The following MCC variants were observed in gnomAD, a reference collection of about 807,000 sequenced individuals.
MCC encodes MCC regulator of Wnt signaling pathway, also known as colorectal mutant cancer protein.
Under a neutral mutation model 116.2 loss-of-function variants are expected in MCC, and 90 were observed. That is an observed-to-expected ratio of 0.77 (90% CI 0.65 to 0.92). The LOEUF (loss-of-function observed/expected upper bound fraction) is 0.92. Ranked by LOEUF, MCC falls within the 40% of genes least tolerant of loss-of-function variation. The pLI is 0.00. For synonymous variants in MCC, 578 were observed against 510.5 expected (o/e 1.13, Z -1.78); for missense variants, 1,516 against 1,312.2 (o/e 1.16, Z -2.40).
At chr5:113,327,432 G>A (rs75025055) in intron 3 of MCC, among the ~76,000 whole-genome samples, 4,269 of 150,668 alleles carry the variant, frequency 0.028, 110 homozygotes, top group East Asian at 0.11. Context: ...TGTAGTCCCA[G>A]CTACTCGGGA....
At chr5:113,418,297 G>T (rs983512221) in intron 1 of MCC, among the ~76,000 whole-genome samples, 2 of 150,802 alleles carry the variant, frequency 1.3e-5, no homozygotes, top group Non-Finnish European at 3.0e-5. Context: ...AAATAAAAAA[G>T]AAAGAAAAGA....
intron 11 of MCC, among the ~76,000 whole-genome samples, chr5:113,075,212 C>G (rs1021441875): frequency 2.6e-5 from 4 of 152,370 alleles, no homozygotes; most frequent in Middle Eastern, 3.4e-3. Flanking sequence ...CCGGGTACCA[C>G]AGCACTTCCG....
intron 1 of MCC, among the ~76,000 whole-genome samples, chr5:113,426,562 T>C (rs575056203): frequency 6.6e-6 from 1 of 152,328 alleles, no homozygotes; most frequent in East Asian, 1.9e-4. Flanking sequence ...GCCCGAAACA[T>C]GGTACCTGGC....
chr5:113,054,513 G>A lies in MCC; in HGVS notation c.2214-554C>T, dbSNP rs551848652. Among the ~76,000 whole-genome samples the A allele has an allele frequency of 2.6e-5, 4 of 152,368 alleles. No individual in the cohort carries two copies. The East Asian group carries it at 7.7e-4, about 29-fold the overall frequency. The stretch of plus-strand genomic sequence containing the variant: ...ATCCACAGATGCGTGTCACACCCTC[G>A]CACGTGTACGCAGGTGTCCCAGGCT... On this transcript the variant is annotated intron_variant, in intron 14 of 18. Coordinates refer to ENST00000408903, the MANE Select transcript of MCC (RefSeq NM_001085377.2).
chr5:113,291,932 C>T (rs968607117), intron 3 of MCC, among the ~76,000 whole-genome samples: 5 of 152,132 alleles, frequency 3.3e-5, no homozygotes, highest in Admixed American at 6.5e-5. Context: ...AAGGTATGAA[C>T]CACACACTCT....
intron 1 of MCC, among the ~76,000 whole-genome samples, chr5:113,425,989 G>A (rs1770472161): frequency 1.3e-5 from 2 of 152,110 alleles, no homozygotes; most frequent in Non-Finnish European, 2.9e-5. Flanking sequence ...AACCCAGGCA[G>A]AAGCTCAAAG....
At chr5:113,037,573 G>C (rs556556304) in intron 17 of MCC, among the ~76,000 whole-genome samples, 1 of 152,282 alleles carries the variant, frequency 6.6e-6, no homozygotes, top group East Asian at 1.9e-4. Flanking sequence ...TGCACCTGTA[G>C]TCCAAGCTAC....
Position 113,104,276 on chromosome 5 carries a change from G to T in MCC, c.1107C>A (p.Ser369Arg). Residue 369 changes from serine (S) to arginine (R), a missense_variant, in exon 7 of 19, where the codon AGC (serine) becomes AGA (arginine). Physicochemically the swap from Ser to Arg is moderately radical, Grantham distance 110. Transcript: ENST00000408903. ...CCTCGGCCACGGAGAGGCTGCAGCT[G>T]CTCTTCTTCCTGCCGCAGACAACAT... is the stretch of plus-strand genomic sequence containing the variant. ...LENVVCGRKK[S>R]SCSLSVAEVD... 6.2e-7 allele frequency: 1 copy of T among 1,614,044 alleles called. No homozygotes were observed. Among genetic ancestry groups the T allele is most frequent in the Non-Finnish European group, 8.5e-7 (1 of 1,180,024 alleles).
chr5:113,041,579 G>T (rs1291819225), intron 17 of MCC, among the ~76,000 whole-genome samples: 1 of 152,188 alleles, frequency 6.6e-6, no homozygotes, highest in Non-Finnish European at 1.5e-5. Flanking sequence ...CTAGAGGGCT[G>T]TTATTAGCCA....
intron 3 of MCC, among the ~76,000 whole-genome samples, chr5:113,339,436 T>TGC (rs950620018): frequency 7.8e-6 from 1 of 127,590 alleles, no homozygotes; most frequent in African/African-American, 3.0e-5. Flanking sequence ...TGTGTGTGTG[T>TGC]GTGCGTGCAT....
At chr5:113,339,408 AGTGTGTGTGT>A (rs60886614) in intron 3 of MCC, among the ~76,000 whole-genome samples, 6 of 123,668 alleles carry the variant, frequency 4.9e-5, no homozygotes, top group African/African-American at 1.6e-4. Context: ...AGGCTTCCTT[AGTGTGTGTGT>A]GTGTGTGTGT....
intron 1 of MCC, among the ~76,000 whole-genome samples, chr5:113,463,293 G>A (rs1203045134): frequency 6.6e-6 from 1 of 152,148 alleles, no homozygotes; most frequent in Non-Finnish European, 1.5e-5. Context: ...GAGCAGATTA[G>A]CACTTCAAAA....
intron 11 of MCC, among the ~76,000 whole-genome samples, chr5:113,073,748 T>G (rs1013125998): frequency 1.3e-5 from 2 of 151,898 alleles, no homozygotes; most frequent in East Asian, 1.9e-4. Flanking sequence ...TAACCTTCTC[T>G]GGGGTCCCAC....
At chr5:113,346,321 G>A (rs992879356) in intron 2 of MCC, among the ~76,000 whole-genome samples, 1 of 152,156 alleles carries the variant, frequency 6.6e-6, no homozygotes, top group Admixed American at 6.5e-5. Context: ...AAGGAGGTGG[G>A]GCACAGTGGC....
At chr5:113,085,743 A>G (rs1168087952) in intron 8 of MCC, among the ~76,000 whole-genome samples, 1 of 152,038 alleles carries the variant, frequency 6.6e-6, no homozygotes, top group Non-Finnish European at 1.5e-5. Flanking sequence ...CCAGGCTGGA[A>G]TGCAGTGGTG....
At chr5:113,290,198 G>A (rs1009789284) in intron 3 of MCC, among the ~76,000 whole-genome samples, 1 of 152,236 alleles carries the variant, frequency 6.6e-6, no homozygotes, top group African/African-American at 2.4e-5. Context: ...TGAAAGCATG[G>A]AGAGTTGCCT....
At chr5:113,382,908 C>T (rs566942606) in intron 2 of MCC, among the ~76,000 whole-genome samples, 11 of 152,242 alleles carry the variant, frequency 7.2e-5, no homozygotes, top group Non-Finnish European at 1.0e-4. Context: ...GTTTCACAGC[C>T]GCTGGCACTT....
chr5:113,104,315 C>G lies in MCC; in HGVS notation c.1068G>C (p.Leu356=). 1 of 1,613,858 alleles carries G rather than the reference C, an allele frequency of 6.2e-7. No homozygotes were observed. The highest frequency in any genetic ancestry group is 8.5e-7 in the Non-Finnish European group (1 of 1,179,978). Residue 356 remains leucine (L), a synonymous_variant, in exon 7 of 19, where the codon CTG becomes CTC. Coordinates refer to ENST00000408903, the MANE Select transcript of MCC (RefSeq NM_001085377.2). The part of the protein sequence containing the change: ...SDLNSELQRV[L]TGLENVVCGR... The stretch of plus-strand genomic sequence containing the variant: ...CGCAGACAACATTCTCCAGCCCTGT[C>G]AGCACCCTCTGCAGTTCTGAGTTCA...
intron 3 of MCC, among the ~76,000 whole-genome samples, chr5:113,169,883 C>A (rs1760983782): frequency 6.6e-6 from 1 of 152,196 alleles, no homozygotes; most frequent in African/African-American, 2.4e-5. Context: ...GACTGGCCAG[C>A]AAAGTGCACT....
Sources: gnomAD v4.1 joint callset for allele counts (sites outside exome capture counted in the v4.1 genomes callset) on GRCh38, gnomAD v4.1.1 for gene constraint, MANE v1.5 for transcripts, NCBI Gene and HGNC (gene_info 2026-07-23, HGNC 2026-07-21) for gene names.